The following SEMA6A variants were observed in gnomAD, a reference collection of about 807,000 sequenced individuals.
SEMA6A encodes semaphorin 6A, also known as semaphorin-6A.
SEMA6A carries 25 observed loss-of-function variants against 96.8 expected under a neutral mutation model. The ratio of observed to expected loss-of-function variants is 0.26; its 90% CI spans 0.19 to 0.36. The LOEUF (loss-of-function observed/expected upper bound fraction) is 0.36, where lower values mean the gene tolerates loss of function less well. Ranked by LOEUF, SEMA6A falls within the 10% of genes least tolerant of loss-of-function variation. The probability of loss-of-function intolerance (pLI) is 1.00; values close to 1 mark genes in which losing one functional copy is unlikely to be tolerated. For missense variants in SEMA6A, 1,363 were observed against 1,323.1 expected (o/e 1.03, Z -0.47); for synonymous variants, 612 against 518.0 (o/e 1.18, Z -2.46).
At chr5:116,518,981 C>G (rs1292802903) in intron 1 of SEMA6A, among the ~76,000 whole-genome samples, 2 of 151,394 alleles carry the variant, frequency 1.3e-5, no homozygotes, top group Non-Finnish European at 2.9e-5. Context: ...TTAACATAGT[C>G]TTTATCTCTC....
rs745355718 is a variant in SEMA6A at position 116,478,732 on chromosome 5, AC to A, written c.1251-15del. ...GTAAGGCGGTATCTAAAATGACAGG[AC>A]CACATTTCTTATCTCTTTGTTGGTC... On this transcript the variant is annotated splice_polypyrimidine_tract_variant and intron_variant, in intron 12 of 18. Coordinates refer to ENST00000343348, the MANE Select transcript of SEMA6A (RefSeq NM_020796.5). The A allele has an allele frequency of 3.1e-6, 5 of 1,609,358 alleles. No homozygotes were observed. In the Admixed American group the frequency reaches 5.1e-5, roughly 16 times the overall value.
chr5:116,487,426 T>G (rs946022081), intron 9 of SEMA6A, among the ~76,000 whole-genome samples: 4 of 152,170 alleles, frequency 2.6e-5, no homozygotes, highest in Non-Finnish European at 4.4e-5. Flanking sequence ...CCCCTAAGTG[T>G]TGTATATTGC....
intron 1 of SEMA6A, among the ~76,000 whole-genome samples, chr5:116,527,906 TA>T (rs1759300048): frequency 6.6e-6 from 1 of 152,114 alleles, no homozygotes; most frequent in African/African-American, 2.4e-5. Context: ...CTAAAAAGCA[TA>T]AAGCAAATGC....
In SEMA6A at chr5:116,523,883, C is replaced by G. The variant is rs180785639; in HGVS notation, c.-38-18901G>C. Among the ~76,000 whole-genome samples the G allele has an allele frequency of 3.0e-3, 450 of 152,264 alleles. 3 individuals are homozygous for G. Among genetic ancestry groups the G allele is most frequent in the African/African-American group, 0.01 (424 of 41,552 alleles). On this transcript the variant is annotated intron_variant, in intron 1 of 18. Transcript: ENST00000343348. ...GGCATCCATATTACAATCCTAATCC[C>G]TTTCATTTCAATGCCTTCAGCCACA...
At chr5:116,569,420 A>G (rs921163313) in intron 1 of SEMA6A, among the ~76,000 whole-genome samples, 1 of 152,150 alleles carries the variant, frequency 6.6e-6, no homozygotes, top group East Asian at 1.9e-4. Context: ...AGTGCAGATC[A>G]TGTGGGGCTG....
chr5:116,533,298 A>G (rs968067065), intron 1 of SEMA6A, among the ~76,000 whole-genome samples: 1 of 147,556 alleles, frequency 6.8e-6, no homozygotes, highest in African/African-American at 2.5e-5. Context: ...TGGAGATGGC[A>G]GGTTTGAAAT....
intron 1 of SEMA6A, among the ~76,000 whole-genome samples, chr5:116,526,295 C>T (rs1044284994): frequency 6.6e-6 from 1 of 152,182 alleles, no homozygotes; most frequent in Non-Finnish European, 1.5e-5. Context: ...ACTCTTCAAA[C>T]ATCACCTTCT....
intron 1 of SEMA6A, among the ~76,000 whole-genome samples, chr5:116,570,551 C>T (rs1387055895): frequency 6.6e-6 from 1 of 152,178 alleles, no homozygotes; most frequent in Non-Finnish European, 1.5e-5. Flanking sequence ...CTAGGCATTG[C>T]CTTACACAAA....
intron 18 of SEMA6A, among the ~76,000 whole-genome samples, chr5:116,453,451 A>G (rs894749744): frequency 4.6e-5 from 7 of 152,224 alleles, no homozygotes; most frequent in Non-Finnish European, 2.9e-5. Flanking sequence ...CTGAATCTTC[A>G]GGCAGAAAGG....
At chr5:116,527,615 G>A (rs1487794905) in intron 1 of SEMA6A, among the ~76,000 whole-genome samples, 1 of 152,164 alleles carries the variant, frequency 6.6e-6, no homozygotes, top group East Asian at 1.9e-4. Context: ...TCGGTAATGT[G>A]TACGTTTAAC....
At chr5:116,468,748 T>C (rs887782780) in intron 17 of SEMA6A, 4 of 152,206 alleles carry the variant, frequency 2.6e-5, no homozygotes, top group African/African-American at 9.7e-5. Flanking sequence ...GTGGAGTTAT[T>C]GGCTTACACA....
chr5:116,468,744 T>C (rs1270746078), intron 17 of SEMA6A: 1 of 152,114 alleles, frequency 6.6e-6, no homozygotes, highest in East Asian at 1.9e-4. Flanking sequence ...TCAAGTGGAG[T>C]TATTGGCTTA....
chr5:116,516,073 T>C (rs575404061), intron 1 of SEMA6A, among the ~76,000 whole-genome samples: 1 of 152,346 alleles, frequency 6.6e-6, no homozygotes, highest in South Asian at 2.1e-4. Context: ...TTGCTGCCTG[T>C]GTCAGCCCTC....
intron 1 of SEMA6A, among the ~76,000 whole-genome samples, chr5:116,570,569 T>C (rs983528148): frequency 5.3e-5 from 8 of 152,264 alleles, no homozygotes; most frequent in African/African-American, 1.9e-4. Context: ...AAATGGCAGA[T>C]GCTTAATTAA....
chr5:116,501,323 T>C (rs1404408180), intron 3 of SEMA6A, among the ~76,000 whole-genome samples: 7 of 152,198 alleles, frequency 4.6e-5, no homozygotes, highest in Admixed American at 4.6e-4. Flanking sequence ...GTTTGAGCCG[T>C]ATTCTTACCA....
intron 10 of SEMA6A, 49 bp from the exon 11 acceptor site, chr5:116,482,624 A>G (rs767388651): frequency 1.2e-6 from 2 of 1,604,840 alleles, no homozygotes; most frequent in South Asian, 2.2e-5. Flanking sequence ...ATGGTTATGC[A>G]TGTGGTTTGG....
chr5:116,536,779 T>C (rs1759732124), intron 1 of SEMA6A, among the ~76,000 whole-genome samples: 1 of 145,142 alleles, frequency 6.9e-6, no homozygotes, highest in South Asian at 2.1e-4. Context: ...CCGCGGGAGA[T>C]GTTCTCAGCA....
chr5:116,474,277 T>TGC (rs1561480480), intron 16 of SEMA6A, among the ~76,000 whole-genome samples: 13 of 99,184 alleles, frequency 1.3e-4, no homozygotes, highest in Non-Finnish European at 4.0e-5. Context: ...CGTGCACGCA[T>TGC]GCACACACAC....
At chr5:116,508,991 T>C (rs1202593745) in intron 1 of SEMA6A, among the ~76,000 whole-genome samples, 5 of 152,206 alleles carry the variant, frequency 3.3e-5, no homozygotes, top group Admixed American at 6.5e-5. Context: ...CCACTGTCTA[T>C]ACACACAAAT....
Sources: allele counts gnomAD v4.1 joint callset (sites outside exome capture counted in the v4.1 genomes callset), GRCh38; gene constraint gnomAD v4.1.1; transcripts MANE v1.5; gene names NCBI Gene and HGNC (gene_info 2026-07-23, HGNC 2026-07-21).